Variants in DIAPH3 observed in about 807,000 individuals in gnomAD.
The protein encoded by DIAPH3 is protein diaphanous homolog 3.
In DIAPH3, 117 loss-of-function variants were observed where a neutral mutation model predicts 144.3. The ratio of observed to expected loss-of-function variants is 0.81; its 90% CI spans 0.70 to 0.95. The LOEUF (loss-of-function observed/expected upper bound fraction) is 0.95. Among genes scored for constraint, DIAPH3 ranks in the 40% least tolerant of loss-of-function variants. DIAPH3 has a pLI of 0.00. For synonymous variants in DIAPH3, 519 were observed against 488.9 expected, an observed-to-expected ratio of 1.06 and a Z score of -0.81; for missense variants, 1,421 against 1,412.7, an observed-to-expected ratio of 1.01 and a Z score of -0.09.
At chr13:59,821,431 A>T (rs978461031) in intron 24 of DIAPH3, among the ~76,000 whole-genome samples, 1 of 152,086 alleles carries the variant, frequency 6.6e-6, no homozygotes, top group South Asian at 2.1e-4. Context: ...ATTTGGAAAA[A>T]ATCCTTAAAA....
intron 17 of DIAPH3, among the ~76,000 whole-genome samples, chr13:59,928,916 C>T (rs899481899): frequency 6.6e-6 from 1 of 152,056 alleles, no homozygotes; most frequent in Non-Finnish European, 1.5e-5. Context: ...CACATGTGAT[C>T]GTATGGCAGT....
intron 17 of DIAPH3, among the ~76,000 whole-genome samples, chr13:59,969,550 A>T (rs1276643016): frequency 6.6e-6 from 1 of 152,120 alleles, no homozygotes; most frequent in Non-Finnish European, 1.5e-5. Context: ...TAGCTCCCCT[A>T]GTCACTGTAA....
intron 1 of DIAPH3, 94 bp downstream of exon 1, chr13:60,163,493 A>G: frequency 6.5e-7 from 1 of 1,534,822 alleles, no homozygotes; most frequent in Non-Finnish European, 8.8e-7. Context: ...CTCTAGAATA[A>G]AACTTGGTCC....
At chr13:59,866,436 C>G (rs932719427) in intron 21 of DIAPH3, among the ~76,000 whole-genome samples, 10 of 152,006 alleles carry the variant, frequency 6.6e-5, no homozygotes, top group South Asian at 2.1e-4. Context: ...ACCAAATTCT[C>G]AAAAAATGGC....
intron 25 of DIAPH3, among the ~76,000 whole-genome samples, chr13:59,802,661 ATTATTATTTTTT>A (rs1415707471): frequency 4.6e-4 from 12 of 26,146 alleles, no homozygotes; most frequent in East Asian, 1.0e-3. Context: ...TATTATTATT[ATTATTATTTTTT>A]TTTTTTTTTT....
intron 27 of DIAPH3, among the ~76,000 whole-genome samples, chr13:59,741,147 C>T (rs983634795): frequency 2.1e-5 from 3 of 141,672 alleles, no homozygotes; most frequent in Non-Finnish European, 3.1e-5. Flanking sequence ...GAAGCAGGTG[C>T]TTTCTGAAAG....
chr13:59,854,855 AT>A (rs1226570392), intron 22 of DIAPH3, among the ~76,000 whole-genome samples: 1 of 152,194 alleles, frequency 6.6e-6, no homozygotes, highest in Non-Finnish European at 1.5e-5. Flanking sequence ...TTAATGATGT[AT>A]TGATGACACT....
In DIAPH3 at chr13:59,984,700, G is replaced by A. The variant is rs374102601; in HGVS notation, c.1362-813C>T. Among the ~76,000 whole-genome samples the A allele has an allele frequency of 6.3e-5, 9 of 142,472 alleles. No homozygotes were observed. In the South Asian group the frequency reaches 1.9e-3, roughly 30 times the overall value. The allele number at this position is 142,472 out of a possible 152,430, so 93.5% of individuals were successfully genotyped here. ...CAGAGAATACTACAAACACCTCTAC[G>A]CAAATAAACTAGAAAATCTAGAAGA... On this transcript the variant is annotated intron_variant, in intron 12 of 27. Coordinates refer to ENST00000400324, the MANE Select transcript of DIAPH3 (RefSeq NM_001042517.2).
chr13:59,734,255 T>G lies in DIAPH3; in HGVS notation c.3319+39934A>C, dbSNP rs183348084. Among the ~76,000 whole-genome samples the G allele has an allele frequency of 4.6e-5, 7 of 152,236 alleles. No homozygotes were observed. The East Asian group carries it at 1.4e-3, about 29-fold the overall frequency. On this transcript the variant is annotated intron_variant, in intron 27 of 27. Transcript: ENST00000400324. ...CTTAGTAGGAATGATACATAATACGTGACATTCTGCATTAAAACATATAAG... is the reference window on the plus strand; with the variant it reads ...CTTAGTAGGAATGATACATAATACGGGACATTCTGCATTAAAACATATAAG...
At chr13:59,971,184 C>G in intron 15 of DIAPH3, 24 bp from the exon 16 acceptor site, 1 of 1,551,520 alleles carries the variant, frequency 6.4e-7, no homozygotes, top group Non-Finnish European at 8.7e-7. Context: ...CAATAAGAGA[C>G]ATAACTAAGA....
At chr13:60,142,834 T>C (rs975174680) in intron 1 of DIAPH3, among the ~76,000 whole-genome samples, 2 of 152,142 alleles carry the variant, frequency 1.3e-5, no homozygotes, top group Non-Finnish European at 2.9e-5. Context: ...CATAGCTCAC[T>C]GCAGTCTCGA....
At chr13:60,049,269 G>C (rs1438257359) in intron 4 of DIAPH3, among the ~76,000 whole-genome samples, 1 of 152,160 alleles carries the variant, frequency 6.6e-6, no homozygotes, top group African/African-American at 2.4e-5. Context: ...TATTAAATTT[G>C]GTGTGTTTGG....
At chr13:60,002,383 T>G (rs2052575828) in intron 9 of DIAPH3, among the ~76,000 whole-genome samples, 2 of 152,194 alleles carry the variant, frequency 1.3e-5, no homozygotes, top group Admixed American at 1.3e-4. Flanking sequence ...ATATTCCCTA[T>G]GCTCAAGGTT....
chr13:60,003,675 G>A (rs374508554), intron 9 of DIAPH3, among the ~76,000 whole-genome samples: 2 of 151,848 alleles, frequency 1.3e-5, no homozygotes, highest in African/African-American at 4.8e-5. Context: ...CTGGGTTCAC[G>A]CCATTCTCCT....
At chr13:59,966,013 A>G (rs1426558299) in intron 17 of DIAPH3, among the ~76,000 whole-genome samples, 5 of 152,186 alleles carry the variant, frequency 3.3e-5, no homozygotes, top group African/African-American at 7.2e-5. Flanking sequence ...TAAAATACAG[A>G]AAGCTAAGAT....
At chr13:59,738,485 C>T (rs6562058) in intron 27 of DIAPH3, among the ~76,000 whole-genome samples, 52,305 of 152,004 alleles carry the variant, frequency 0.34, 9,451 homozygotes, top group African/African-American at 0.44. Flanking sequence ...TGCTTAAGAA[C>T]TGTCTTACTC....
Position 59,833,170 on chromosome 13 carries a change from A to G in DIAPH3, c.2964T>C (p.Asp988=). 1.2e-6 allele frequency: 2 copies of G among 1,610,968 alleles called. No homozygotes were observed. Among genetic ancestry groups the G allele is most frequent in the Non-Finnish European group, 1.7e-6 (2 of 1,178,072 alleles). The part of the protein sequence containing the change: ...YQSIIGYYAI[D]VKKVSVEDFL... ...AGTCTTCCACAGACACCTTCTTCAC[A>G]TCAATGGCATAGTATCCTATTATAC... is the stretch of plus-strand genomic sequence containing the variant. The change falls in exon 24 of 28, where the codon GAT becomes GAC. Residue 988 remains aspartate, a synonymous_variant. Coordinates refer to ENST00000400324, the MANE Select transcript of DIAPH3 (RefSeq NM_001042517.2).
chr13:59,781,196 G>A (rs759638107), intron 25 of DIAPH3, among the ~76,000 whole-genome samples: 8 of 152,156 alleles, frequency 5.3e-5, no homozygotes, highest in Non-Finnish European at 1.0e-4. Flanking sequence ...GGTCAAATAT[G>A]TAGGAAGGAA....
At chr13:60,024,341 G>T (rs1031802294) in intron 5 of DIAPH3, among the ~76,000 whole-genome samples, 1 of 152,026 alleles carries the variant, frequency 6.6e-6, no homozygotes, top group Admixed American at 6.5e-5. Context: ...CTATAGTCCA[G>T]TTCACTAATT....
Sources: gnomAD v4.1 joint callset for allele counts (sites outside exome capture counted in the v4.1 genomes callset) on GRCh38, gnomAD v4.1.1 for gene constraint, MANE v1.5 for transcripts, NCBI Gene and HGNC (gene_info 2026-07-23, HGNC 2026-07-21) for gene names.